GABRG3: variants seen among roughly 807,000 people sequenced by gnomAD.
The protein encoded by GABRG3 is gamma-aminobutyric acid receptor subunit gamma-3.
Under a neutral mutation model 48.8 loss-of-function variants are expected in GABRG3, and 25 were observed. The ratio of observed to expected loss-of-function variants is 0.51; its 90% CI spans 0.37 to 0.72. The LOEUF is 0.72. Among genes scored for constraint, GABRG3 ranks in the 30% least tolerant of loss-of-function variants. GABRG3 has a pLI of 0.00. For synonymous variants in GABRG3, 227 were observed against 217.6 expected, an observed-to-expected ratio of 1.04 and a Z score of -0.38; for missense variants, 394 against 577.9, an observed-to-expected ratio of 0.68 and a Z score of 3.26.
intron 3 of GABRG3, among the ~76,000 whole-genome samples, chr15:27,187,178 G>A (rs1888125332): frequency 6.6e-6 from 1 of 152,122 alleles, no homozygotes; most frequent in South Asian, 2.1e-4. Context: ...TTATTGAATA[G>A]AGAGTCCTTT....
At position 27,280,092 on chromosome 15, in the gene GABRG3, A is replaced by AT. The variant is rs540799541; in HGVS notation, c.271-46710dup. ...ACTAGTGATTTTTTTTAATTAGTTC[A>AT]TTTTTTTCCCCTACTGATTTTTTTC... On this transcript the variant is annotated intron_variant, in intron 3 of 9. Coordinates refer to ENST00000615808, the MANE Select transcript of GABRG3 (RefSeq NM_033223.5). Among the ~76,000 whole-genome samples the AT allele has an allele frequency of 4.3e-3, 658 of 151,564 alleles. 4 individuals carry two copies. Among genetic ancestry groups the AT allele is most frequent in the African/African-American group, 0.015 (611 of 41,352 alleles).
chr15:26,988,870 G>C (rs1256013250), intron 2 of GABRG3, among the ~76,000 whole-genome samples: 1 of 151,996 alleles, frequency 6.6e-6, no homozygotes, highest in Non-Finnish European at 1.5e-5. Flanking sequence ...TTTCAGCATG[G>C]CTGAAAATAT....
chr15:27,152,039 G>T (rs1898325915), intron 3 of GABRG3, among the ~76,000 whole-genome samples: 2 of 152,146 alleles, frequency 1.3e-5, no homozygotes, highest in South Asian at 4.2e-4. Context: ...ATCTTTTTAT[G>T]GGTCATGCTT....
chr15:27,487,033 A>G lies in GABRG3; in HGVS notation c.712+6246A>G, dbSNP rs373211535. Among the ~76,000 whole-genome samples, 194 of 152,322 alleles carry G rather than the reference A, an allele frequency of 1.3e-3. 1 individual carries two copies. Among genetic ancestry groups the G allele is most frequent in the Middle Eastern group, 3.4e-3 (1 of 294 alleles). ...TTTTTGTCATATTTTTCTGAATGCAATCTGGGTAATATATCAGTCTGGGTT... is the reference window on the plus strand; with the variant it reads ...TTTTTGTCATATTTTTCTGAATGCAGTCTGGGTAATATATCAGTCTGGGTT... On this transcript the variant is annotated intron_variant, in intron 6 of 9. Transcript: ENST00000615808.
At chr15:27,055,259 C>G (rs1240413009) in intron 3 of GABRG3, among the ~76,000 whole-genome samples, 1 of 152,102 alleles carries the variant, frequency 6.6e-6, no homozygotes, top group African/African-American at 2.4e-5. Context: ...CGGGCTTTCA[C>G]CCCGTAACAT....
At chr15:27,053,370 C>G (rs1896486927) in intron 3 of GABRG3, among the ~76,000 whole-genome samples, 2 of 152,068 alleles carry the variant, frequency 1.3e-5, no homozygotes, top group Admixed American at 6.5e-5. Flanking sequence ...TACAAGTGAC[C>G]AACAAATGAA....
At chr15:27,014,360 G>GT (rs1402848790) in intron 2 of GABRG3, among the ~76,000 whole-genome samples, 2 of 138,980 alleles carry the variant, frequency 1.4e-5, no homozygotes, top group African/African-American at 2.7e-5. Context: ...TTTTTTTTTA[G>GT]TTTTTTGAGG....
chr15:27,406,375 G>A (rs894267071), intron 5 of GABRG3, among the ~76,000 whole-genome samples: 92 of 152,186 alleles, frequency 6.0e-4, no homozygotes, highest in Admixed American at 2.7e-3. Flanking sequence ...TGAAAGGGGG[G>A]AAATAAAATA....
At chr15:27,401,797 A>G (rs1188581367) in intron 5 of GABRG3, among the ~76,000 whole-genome samples, 1 of 152,192 alleles carries the variant, frequency 6.6e-6, no homozygotes, top group Non-Finnish European at 1.5e-5. Context: ...ATTCTTCTTC[A>G]TTATCATGTA....
chr15:27,024,216 A>G (rs1245220885), intron 2 of GABRG3, among the ~76,000 whole-genome samples: 1 of 152,168 alleles, frequency 6.6e-6, no homozygotes, highest in African/African-American at 2.4e-5. Flanking sequence ...TTAACCACTT[A>G]TCAGAGATAC....
In GABRG3 at chr15:27,042,853, G is replaced by T. The variant is rs182097635; in HGVS notation, c.270+16032G>T. Among the ~76,000 whole-genome samples the T allele has an allele frequency of 5.1e-3, 775 of 152,266 alleles. 8 individuals carry two copies. Among genetic ancestry groups the T allele is most frequent in the African/African-American group, 0.018 (735 of 41,552 alleles). ...TCTGCATCACTCTTAGCAGGGCCAG[G>T]GCCTCCCTGTGGTGTGGCCTGGAAG... On this transcript the variant is annotated intron_variant, in intron 3 of 9. Transcript: ENST00000615808.
chr15:27,465,617 C>T (rs552425006), intron 5 of GABRG3, among the ~76,000 whole-genome samples: 106 of 152,326 alleles, frequency 7.0e-4, no homozygotes, highest in African/African-American at 2.4e-3. Flanking sequence ...AGGAGGGACA[C>T]TGCTTTGCCT....
intron 3 of GABRG3, among the ~76,000 whole-genome samples, chr15:27,101,745 G>A (rs1007853905): frequency 1.3e-5 from 2 of 150,912 alleles, no homozygotes; most frequent in Non-Finnish European, 2.9e-5. Context: ...CTAGACCAGG[G>A]GTGTCCAATC....
intron 5 of GABRG3, among the ~76,000 whole-genome samples, chr15:27,441,850 C>T (rs1888796281): frequency 6.6e-6 from 1 of 152,198 alleles, no homozygotes; most frequent in Non-Finnish European, 1.5e-5. Flanking sequence ...TGTGATCAGG[C>T]TTGGCAACCA....
At chr15:27,222,685 G>A (rs1889489921) in intron 3 of GABRG3, among the ~76,000 whole-genome samples, 1 of 143,316 alleles carries the variant, frequency 7.0e-6, no homozygotes, top group African/African-American at 2.9e-5. Context: ...AAGACCTTAA[G>A]AAGTCTTGGA....
intron 3 of GABRG3, among the ~76,000 whole-genome samples, chr15:27,111,621 T>G (rs6606874): frequency 0.28 from 42,057 of 152,008 alleles, 7,085 homozygotes; most frequent in African/African-American, 0.47. Flanking sequence ...CCCTTTGGAT[T>G]TGGGTCTCTC....
chr15:27,458,931 T>A (rs1889368327), intron 5 of GABRG3, among the ~76,000 whole-genome samples: 1 of 152,224 alleles, frequency 6.6e-6, no homozygotes, highest in Non-Finnish European at 1.5e-5. Flanking sequence ...CTGTCCCGTC[T>A]CCGGCACATT....
At chr15:27,367,124 G>T (rs1481524372) in intron 5 of GABRG3, among the ~76,000 whole-genome samples, 1 of 152,130 alleles carries the variant, frequency 6.6e-6, no homozygotes, top group Non-Finnish European at 1.5e-5. Context: ...AGGACCCACT[G>T]CCCTGGGATT....
chr15:27,504,133 GACTTAATTTGGGTAT>G (rs1335409331), intron 6 of GABRG3, among the ~76,000 whole-genome samples: 3 of 152,012 alleles, frequency 2.0e-5, no homozygotes, highest in African/African-American at 7.2e-5. Context: ...GAAAAACTAT[GACTTAATTTGGGTAT>G]TTGCACAATT....
Sources: allele counts gnomAD v4.1 joint callset (sites outside exome capture counted in the v4.1 genomes callset), GRCh38; gene constraint gnomAD v4.1.1; transcripts MANE v1.5; gene names NCBI Gene and HGNC (gene_info 2026-07-23, HGNC 2026-07-21).